The following DRC10 variants were observed in gnomAD, a reference collection of about 807,000 sequenced individuals.
The protein encoded by DRC10 is IQ domain-containing protein D.
the DRC10 span, among the ~76,000 whole-genome samples, chr12:113,217,876 C>T: frequency 1.3e-5 from 2 of 152,290 alleles, no homozygotes; most frequent in South Asian, 4.1e-4. Flanking sequence ...TAAATGGGAT[C>T]ATGCAGTATG....
the DRC10 span, among the ~76,000 whole-genome samples, chr12:113,217,323 A>C: frequency 6.6e-6 from 1 of 150,558 alleles, no homozygotes; most frequent in Non-Finnish European, 1.5e-5. Flanking sequence ...TCACACGTGT[A>C]ATTTTTTTTT....
At chr12:113,216,945 AGCGCAT>A in the DRC10 span, among the ~76,000 whole-genome samples, 1 of 151,970 alleles carries the variant, frequency 6.6e-6, no homozygotes, top group Non-Finnish European at 1.5e-5. Flanking sequence ...AGAAATTAGC[AGCGCAT>A]GGTGTTGGGC....
chr12:113,202,099 C>A, the DRC10 span, among the ~76,000 whole-genome samples: 2 of 152,230 alleles, frequency 1.3e-5, no homozygotes, highest in Non-Finnish European at 2.9e-5. Context: ...GATGATGCCC[C>A]TCCCACCTTA....
chr12:113,216,411 A>G, the DRC10 span, among the ~76,000 whole-genome samples: 1 of 152,216 alleles, frequency 6.6e-6, no homozygotes, highest in Non-Finnish European at 1.5e-5. Context: ...GAGGATTTTT[A>G]GGGCAGTGAA....
the DRC10 span, among the ~76,000 whole-genome samples, chr12:113,214,559 C>T: frequency 6.7e-6 from 1 of 149,374 alleles, no homozygotes; most frequent in Non-Finnish European, 1.5e-5. Context: ...AAAGAAATCA[C>T]TGTTGAATAA....
the DRC10 span, among the ~76,000 whole-genome samples, chr12:113,204,859 G>A: frequency 6.6e-6 from 1 of 152,050 alleles, no homozygotes; most frequent in Non-Finnish European, 1.5e-5. Flanking sequence ...AACCTGGGAG[G>A]TGAAGGCTGC....
the DRC10 span, among the ~76,000 whole-genome samples, chr12:113,204,981 C>T: frequency 2.0e-5 from 3 of 152,042 alleles, no homozygotes; most frequent in Admixed American, 6.6e-5. Flanking sequence ...CCTCACTGCA[C>T]TTGCCTGGTT....
the DRC10 span, among the ~76,000 whole-genome samples, chr12:113,217,241 C>T: frequency 6.6e-6 from 1 of 152,152 alleles, no homozygotes; most frequent in African/African-American, 2.4e-5. Flanking sequence ...CAATGGCTAC[C>T]CCTCCTCAGA....
the DRC10 span, chr12:113,203,028 G>GT: frequency 2.2e-6 from 1 of 455,026 alleles, no homozygotes; most frequent in Non-Finnish European, 4.4e-6. Flanking sequence ...TCATGCTACT[G>GT]TTTCCCTTTT....
chr12:113,215,331 G>A, the DRC10 span, among the ~76,000 whole-genome samples: 1 of 152,108 alleles, frequency 6.6e-6, no homozygotes, highest in African/African-American at 2.4e-5. Context: ...CACTGTTGAG[G>A]GAATGAAATG....
the DRC10 span, chr12:113,195,720 C>T: frequency 1.4e-5 from 22 of 1,613,724 alleles, no homozygotes; most frequent in South Asian, 5.5e-5. Flanking sequence ...CGTGGCCGCC[C>T]GTACCATGCG....
At chr12:113,201,923 C>T in the DRC10 span, among the ~76,000 whole-genome samples, 2 of 152,344 alleles carry the variant, frequency 1.3e-5, no homozygotes, top group East Asian at 3.9e-4. Context: ...CCACACGTGC[C>T]TGATTGGTGT....
chr12:113,208,247 G>A, the DRC10 span: 5 of 1,505,544 alleles, frequency 3.3e-6, no homozygotes, highest in Non-Finnish European at 3.5e-6. Flanking sequence ...TGCTTTTATT[G>A]TCTCTGGCCA....
chr12:113,200,366 T>C, the DRC10 span: 11 of 689,338 alleles, frequency 1.6e-5, no homozygotes, highest in Non-Finnish European at 2.9e-5. Flanking sequence ...TCCCCAGGCC[T>C]GTGTGCTGCC....
At chr12:113,197,210 TTA>T in the DRC10 span, among the ~76,000 whole-genome samples, 6 of 146,944 alleles carry the variant, frequency 4.1e-5, no homozygotes, top group South Asian at 4.4e-4. Context: ...TTTTTTTTTT[TTA>T]AATTAATAGA....
chr12:113,203,034 C>CTTTTTT, the DRC10 span: 1 of 381,834 alleles, frequency 2.6e-6, no homozygotes, highest in Non-Finnish European at 5.3e-6. Flanking sequence ...TACTGTTTCC[C>CTTTTTT]TTTTTTTTTT....
the DRC10 span, among the ~76,000 whole-genome samples, chr12:113,201,805 T>C: frequency 6.6e-6 from 1 of 152,160 alleles, no homozygotes; most frequent in Non-Finnish European, 1.5e-5. Flanking sequence ...TCCTGCACAC[T>C]GGGGGCAGGG....
At chr12:113,215,078 G>GCCC in the DRC10 span, among the ~76,000 whole-genome samples, 1 of 152,156 alleles carries the variant, frequency 6.6e-6, no homozygotes, top group African/African-American at 2.4e-5. Context: ...GAGGGAACAT[G>GCCC]CCCCCCGGGA....
At chr12:113,201,419 G>A in the DRC10 span, among the ~76,000 whole-genome samples, 4 of 152,196 alleles carry the variant, frequency 2.6e-5, no homozygotes, top group South Asian at 4.1e-4. Context: ...TTCCTTGCAC[G>A]AGTGAAGGGT....
Sources: gnomAD v4.1 joint callset for allele counts (sites outside exome capture counted in the v4.1 genomes callset) on GRCh38, gnomAD v4.1.1 for gene constraint, MANE v1.5 for transcripts, NCBI Gene and HGNC (gene_info 2026-07-23, HGNC 2026-07-21) for gene names.